The following ZMYM4 variants were observed in gnomAD, a reference collection of about 807,000 sequenced individuals.
ZMYM4 encodes the protein zinc finger MYM-type containing 4, also known as zinc finger MYM-type protein 4.
In ZMYM4, 31 loss-of-function variants were observed where a neutral mutation model predicts 183.2. That is an observed-to-expected ratio of 0.17 (90% confidence interval 0.13 to 0.23). The LOEUF (loss-of-function observed/expected upper bound fraction) is 0.23. Among genes scored for constraint, ZMYM4 ranks in the 10% least tolerant of loss-of-function variants. The pLI, the probability that ZMYM4 is intolerant of heterozygous loss-of-function variation, is 1.00. For synonymous variants in ZMYM4, 592 were observed against 631.2 expected (o/e 0.94, Z 0.93); for missense variants, 1,273 against 1,840.3 (o/e 0.69, Z 5.64).
At chr1:35,414,220 CTT>C (rs1409657296) in intron 27 of ZMYM4, 137 bp downstream of exon 27, 1 of 608,316 alleles carries the variant, frequency 1.6e-6, no homozygotes, top group Non-Finnish European at 2.9e-6. Flanking sequence ...AGGAGACGGT[CTT>C]TGGTTTATTG....
In ZMYM4 at chr1:35,352,259, A is replaced by ACGCGCG. The variant is rs376025575; in HGVS notation, c.86-6660_86-6655dup. On this transcript the variant is annotated intron_variant, in intron 2 of 29. Coordinates refer to ENST00000314607, the MANE Select transcript of ZMYM4 (RefSeq NM_005095.3). ...ACTAATAATTTAAAAATTAGCGCGC[A>ACGCGCG]CGCGCGCGCGCACACACACACACAC... Among the ~76,000 whole-genome samples, 34 of 77,610 alleles carry ACGCGCG rather than the reference A, an allele frequency of 4.4e-4. 1 individual carries two copies. Among genetic ancestry groups the ACGCGCG allele is most frequent in the African/African-American group, 2.4e-3 (34 of 14,234 alleles). 50.9% of individuals were successfully genotyped at this position (77,610 alleles called of 152,430 possible). A position where few individuals can be genotyped will look rare whatever the true frequency, so the allele number is the denominator to read the frequency against.
At chr1:35,289,546 A>T (rs1640659049) in intron 1 of ZMYM4, among the ~76,000 whole-genome samples, 1 of 152,156 alleles carries the variant, frequency 6.6e-6, no homozygotes, top group South Asian at 2.1e-4. Context: ...ACTTTAGATC[A>T]CTCCACTGAT....
chr1:35,369,635 G>A (rs1251186236), intron 5 of ZMYM4, among the ~76,000 whole-genome samples: 4 of 151,844 alleles, frequency 2.6e-5, no homozygotes, highest in Non-Finnish European at 4.4e-5. Flanking sequence ...AAGAATAACA[G>A]TGATTGTTTT....
At chr1:35,391,597 A>C (rs1379702969) in intron 15 of ZMYM4, among the ~76,000 whole-genome samples, 1 of 152,210 alleles carries the variant, frequency 6.6e-6, no homozygotes, top group Non-Finnish European at 1.5e-5. Context: ...ATTAGGCTGA[A>C]TTGTCCATTA....
chr1:35,418,003 C>T (rs1441156126), intron 28 of ZMYM4, among the ~76,000 whole-genome samples: 3 of 149,402 alleles, frequency 2.0e-5, no homozygotes, highest in Non-Finnish European at 4.4e-5. Flanking sequence ...AGCAAAGTTC[C>T]GTCTCAAAAA....
At chr1:35,291,933 C>G (rs542646932) in intron 1 of ZMYM4, among the ~76,000 whole-genome samples, 37 of 152,208 alleles carry the variant, frequency 2.4e-4, no homozygotes, top group African/African-American at 8.7e-4. Context: ...CCGTGCCCAG[C>G]CATGATTGTT....
At chr1:35,303,737 T>C (rs907446069) in intron 1 of ZMYM4, among the ~76,000 whole-genome samples, 1 of 152,234 alleles carries the variant, frequency 6.6e-6, no homozygotes, top group Non-Finnish European at 1.5e-5. Flanking sequence ...CTTTATTTTC[T>C]ATTTAATTTA....
intron 1 of ZMYM4, among the ~76,000 whole-genome samples, chr1:35,282,686 G>C (rs981622840): frequency 2.0e-5 from 3 of 152,116 alleles, no homozygotes; most frequent in Admixed American, 2.0e-4. Context: ...CCCACAAGTA[G>C]CTGGGACTGC....
At chr1:35,310,259 C>A in intron 1 of ZMYM4, 1 of 181,334 alleles carries the variant, frequency 5.5e-6, no homozygotes, top group Non-Finnish European at 1.2e-5. Context: ...CTTTGAATGT[C>A]TTACTTTTAT....
chr1:35,402,462 T>A (rs1644926141), intron 23 of ZMYM4, among the ~76,000 whole-genome samples: 1 of 151,936 alleles, frequency 6.6e-6, no homozygotes, highest in Non-Finnish European at 1.5e-5. Flanking sequence ...CTAAAAATTT[T>A]AAAAATTAGC....
chr1:35,300,158 G>T (rs1341022741), intron 1 of ZMYM4, among the ~76,000 whole-genome samples: 4 of 152,126 alleles, frequency 2.6e-5, no homozygotes, highest in African/African-American at 9.7e-5. Flanking sequence ...AAAGGGAGTA[G>T]CCTCCAGCCC....
At chr1:35,357,237 G>T (rs1277789551) in intron 2 of ZMYM4, among the ~76,000 whole-genome samples, 12 of 152,258 alleles carry the variant, frequency 7.9e-5, no homozygotes, top group Admixed American at 7.8e-4. Context: ...CCTGATTACA[G>T]ATAATCCAAC....
At chr1:35,381,875 T>A in intron 9 of ZMYM4, 117 bp downstream of exon 9, 1 of 1,268,754 alleles carries the variant, frequency 7.9e-7, no homozygotes. Context: ...CCAAGTGCCA[T>A]GGCTCACACC....
At chr1:35,314,805 A>ACCT (rs1418825445) in intron 1 of ZMYM4, among the ~76,000 whole-genome samples, 1 of 148,170 alleles carries the variant, frequency 6.7e-6, no homozygotes, top group East Asian at 2.1e-4. Flanking sequence ...CGGGCGTATC[A>ACCT]CCTGAGGTCA....
Position 35,392,269 on chromosome 1 carries a change from C to T in ZMYM4, c.2645C>T (p.Ser882Leu), listed in dbSNP as rs778445103. The T allele has an allele frequency of 1.5e-5, 25 of 1,614,022 alleles. No homozygotes were observed. Among genetic ancestry groups the T allele is most frequent in the African/African-American group, 4.0e-5 (3 of 74,904 alleles). The change falls in exon 16 of 30, where the codon TCG (serine) becomes TTG (leucine). Residue 882 changes from serine (S) to leucine (L), a missense_variant. This residue lies in a region of ZMYM4 where 290 missense variants were observed against 353.3 expected (regional missense o/e 0.82). Transcript: ENST00000314607. ...SAGPPSLRKD[S>L]TPVIANVVSL... ...GGACCCCCATCTCTGAGAAAAGATT[C>T]GACTCCAGTTATAGCCAATGTAGTA...
intron 2 of ZMYM4, chr1:35,351,294 G>A (rs1178447881): frequency 1.3e-6 from 2 of 1,581,116 alleles, no homozygotes; most frequent in Non-Finnish European, 1.7e-6. Flanking sequence ...ATTTAATGCA[G>A]AAGTACACCG....
intron 1 of ZMYM4, among the ~76,000 whole-genome samples, chr1:35,276,762 C>T (rs1639899091): frequency 6.6e-6 from 1 of 152,126 alleles, no homozygotes; most frequent in Non-Finnish European, 1.5e-5. Context: ...CATGCACCAC[C>T]AGCCTTGGCT....
chr1:35,370,959 A>G (rs887758222), intron 7 of ZMYM4: 11 of 194,612 alleles, frequency 5.7e-5, no homozygotes, highest in Middle Eastern at 1.9e-3. Flanking sequence ...TTTTATAACT[A>G]TAGGCAATAG....
intron 2 of ZMYM4, among the ~76,000 whole-genome samples, chr1:35,337,689 A>G (rs1643032388): frequency 6.6e-6 from 1 of 152,112 alleles, no homozygotes; most frequent in Non-Finnish European, 1.5e-5. Flanking sequence ...TCACACCTGT[A>G]ATCCCAGCAC....
Sources: allele counts gnomAD v4.1 joint callset (sites outside exome capture counted in the v4.1 genomes callset), GRCh38; gene constraint gnomAD v4.1.1; regional missense constraint gnomAD v4.1.1; transcripts MANE v1.5; gene names NCBI Gene and HGNC (gene_info 2026-07-23, HGNC 2026-07-21).